COP1: variants seen among roughly 807,000 people sequenced by gnomAD.
COP1 encodes E3 ubiquitin-protein ligase COP1.
In COP1, 24 loss-of-function variants were observed where a neutral mutation model predicts 101.3. The observed-to-expected ratio is 0.24, with a 90% CI of 0.17 to 0.33. The LOEUF (loss-of-function observed/expected upper bound fraction) is 0.33, where lower values mean the gene tolerates loss of function less well. COP1 is among the 10% of genes least tolerant of loss of function. The pLI is 1.00. For synonymous variants in COP1, 347 were observed against 341.9 expected (o/e 1.01, Z -0.17); for missense variants, 663 against 906.2 (o/e 0.73, Z 3.45).
intron 1 of COP1, among the ~76,000 whole-genome samples, chr1:176,188,774 C>T (rs915272499): frequency 3.3e-5 from 5 of 151,860 alleles, no homozygotes; most frequent in Admixed American, 1.3e-4. Flanking sequence ...CCTGCTATTT[C>T]CCCCCTCTCT....
chr1:175,957,638 C>G (rs1399632824), intron 18 of COP1, among the ~76,000 whole-genome samples: 2 of 152,118 alleles, frequency 1.3e-5, no homozygotes, highest in Non-Finnish European at 2.9e-5. Flanking sequence ...TCTTATAAGG[C>G]TAAACTTACA....
chr1:176,098,025 A>G (rs1682735153), intron 9 of COP1, among the ~76,000 whole-genome samples: 1 of 152,214 alleles, frequency 6.6e-6, no homozygotes, highest in African/African-American at 2.4e-5. Context: ...GATTATTGGT[A>G]AAATACAGAT....
chr1:176,133,226 G>T lies in COP1; in HGVS notation c.968+1784C>A, dbSNP rs200814695. On this transcript the variant is annotated intron_variant, in intron 8 of 19. Coordinates refer to ENST00000367669, the MANE Select transcript of COP1 (RefSeq NM_022457.7). ...CGTATGTACACACATACGTATATAC[G>T]TACGTATATGTACGTAGGTACACAC... 5.4e-5 allele frequency among the ~76,000 whole-genome samples: 3 copies of T among 55,830 alleles called. No individual in the cohort carries two copies. In the East Asian group the frequency reaches 1.6e-3, roughly 30 times the overall value. The allele number at this position is 55,830 out of a possible 152,430, so 36.6% of individuals were successfully genotyped here.
chr1:176,042,340 A>G (rs1670733138), intron 14 of COP1, among the ~76,000 whole-genome samples: 1 of 149,912 alleles, frequency 6.7e-6, no homozygotes, highest in Non-Finnish European at 1.5e-5. Flanking sequence ...GCAGCAGGGC[A>G]GATCACTTGA....
rs760242313 is a variant in COP1 at position 175,947,241 on chromosome 1, TA to T, written c.2134-3del. 1.2e-6 allele frequency: 2 copies of T among 1,604,828 alleles called. No homozygotes were observed. The highest frequency in any genetic ancestry group is 2.7e-5 in the African/African-American group (2 of 74,836). ...AGCAGCAATCAGCACATTGGACTCC[TA>T]GAAAAGAACAAGAGCTTTTAAAGTA... On this transcript the variant is annotated splice_region_variant and splice_polypyrimidine_tract_variant and intron_variant, in intron 18 of 19. Transcript: ENST00000367669.
chr1:176,205,851 T>C (rs541671624), intron 1 of COP1, among the ~76,000 whole-genome samples: 86 of 152,340 alleles, frequency 5.6e-4, no homozygotes, highest in African/African-American at 2.0e-3. Flanking sequence ...TCCAGTATAG[T>C]ACAGTTACAT....
At chr1:176,202,694 C>A (rs749005618) in intron 1 of COP1, among the ~76,000 whole-genome samples, 5 of 151,696 alleles carry the variant, frequency 3.3e-5, no homozygotes, top group Admixed American at 6.6e-5. Context: ...AAATTGGAAA[C>A]CAGTTATATT....
intron 14 of COP1, among the ~76,000 whole-genome samples, chr1:176,030,081 A>T (rs1334811933): frequency 1.3e-5 from 2 of 152,264 alleles, no homozygotes; most frequent in African/African-American, 4.8e-5. Context: ...CCTCCTGAGT[A>T]ACTGGGACTA....
intron 14 of COP1, among the ~76,000 whole-genome samples, chr1:176,041,969 G>A (rs545443656): frequency 3.3e-5 from 5 of 152,114 alleles, no homozygotes; most frequent in Admixed American, 2.0e-4. Context: ...AAAATTAGCC[G>A]GACATGGTGG....
At chr1:176,143,145 A>AGCG (rs1368394853) in intron 6 of COP1, among the ~76,000 whole-genome samples, 1 of 150,386 alleles carries the variant, frequency 6.6e-6, no homozygotes, top group African/African-American at 2.5e-5. Context: ...AGAGCGAGAG[A>AGCG]AAGAGAGAGA....
At chr1:175,973,912 C>T (rs1404089844) in intron 18 of COP1, among the ~76,000 whole-genome samples, 1 of 152,128 alleles carries the variant, frequency 6.6e-6, no homozygotes, top group African/African-American at 2.4e-5. Context: ...AAACAAAAAA[C>T]CCAGCATTCG....
At chr1:176,127,885 C>T (rs1473210403) in intron 8 of COP1, among the ~76,000 whole-genome samples, 1 of 152,092 alleles carries the variant, frequency 6.6e-6, no homozygotes, top group Non-Finnish European at 1.5e-5. Flanking sequence ...TCCCTTTTCT[C>T]CACATCCTCA....
At chr1:176,051,033 T>C (rs898394111) in intron 11 of COP1, among the ~76,000 whole-genome samples, 4 of 152,284 alleles carry the variant, frequency 2.6e-5, no homozygotes, top group African/African-American at 9.6e-5. Flanking sequence ...TAATTCAGCC[T>C]GTGCAACAAT....
intron 8 of COP1, 75 bp downstream of exon 8, chr1:176,134,935 A>C: frequency 9.5e-7 from 1 of 1,056,364 alleles, no homozygotes; most frequent in Non-Finnish European, 1.5e-6. Flanking sequence ...TGCATGGAAA[A>C]GGCTCCTAAA....
intron 15 of COP1, among the ~76,000 whole-genome samples, chr1:176,001,035 A>G (rs1661478977): frequency 2.0e-5 from 3 of 152,054 alleles, no homozygotes; most frequent in Admixed American, 2.0e-4. Context: ...TTCATCAACA[A>G]TTTTAGAATT....
chr1:176,033,973 G>A (rs1336069024), intron 14 of COP1, among the ~76,000 whole-genome samples: 2 of 152,096 alleles, frequency 1.3e-5, no homozygotes, highest in Non-Finnish European at 2.9e-5. Context: ...ATACATTTAA[G>A]TAACACTAAA....
chr1:175,946,792 G>C (rs776699127), intron 19 of COP1, among the ~76,000 whole-genome samples: 5 of 152,178 alleles, frequency 3.3e-5, no homozygotes, highest in Non-Finnish European at 7.3e-5. Flanking sequence ...ATATGACCAA[G>C]ATATGTTTAA....
chr1:176,070,161 C>A (rs893026148), intron 11 of COP1, among the ~76,000 whole-genome samples: 1 of 152,122 alleles, frequency 6.6e-6, no homozygotes, highest in African/African-American at 2.4e-5. Context: ...CCCTGCCCAG[C>A]TGCTCCAACC....
At chr1:176,190,779 A>C (rs907714257) in intron 1 of COP1, among the ~76,000 whole-genome samples, 1 of 152,024 alleles carries the variant, frequency 6.6e-6, no homozygotes, top group Admixed American at 6.6e-5. Flanking sequence ...ACTGTCCAAC[A>C]AACTAATATG....
Sources: gnomAD v4.1 joint callset for allele counts (sites outside exome capture counted in the v4.1 genomes callset) on GRCh38, gnomAD v4.1.1 for gene constraint, MANE v1.5 for transcripts, NCBI Gene and HGNC (gene_info 2026-07-23, HGNC 2026-07-21) for gene names.